Variants in VEGFD observed in about 807,000 individuals in gnomAD.
VEGFD encodes the protein c-fos induced growth factor (vascular endothelial growth factor D).
Under a neutral mutation model 28.0 loss-of-function variants are expected in VEGFD, and 26 were observed. The ratio of observed to expected loss-of-function variants is 0.93; its 90% CI spans 0.68 to 1.29. The LOEUF (loss-of-function observed/expected upper bound fraction) is 1.29, where lower values mean the gene tolerates loss of function less well. Among genes scored for constraint, VEGFD ranks in the 50% most tolerant of loss-of-function variants. VEGFD has a pLI of 0.00. For synonymous variants in VEGFD, 93 were observed against 95.5 expected, an observed-to-expected ratio of 0.97 and a Z score of 0.15; for missense variants, 294 against 273.4, an observed-to-expected ratio of 1.08 and a Z score of -0.53.
intron 2 of VEGFD, among the ~76,000 whole-genome samples, chrX:15,360,581 C>A (rs976569505): frequency 9.0e-5 from 10 of 111,259 alleles, no homozygotes; most frequent in Non-Finnish European, 1.9e-4. Context: ...TTGTGATCCG[C>A]CCACCTCAGC....
chrX:15,378,773 T>C (rs1321248785), intron 1 of VEGFD, among the ~76,000 whole-genome samples: 2 of 112,020 alleles, frequency 1.8e-5, no homozygotes, highest in Admixed American at 9.4e-5. Context: ...AACAATTTTT[T>C]ACATTTTCCA....
chrX:15,376,485 C>T (rs1463704770), intron 1 of VEGFD, among the ~76,000 whole-genome samples: 1 of 112,488 alleles, frequency 8.9e-6, no homozygotes, highest in Admixed American at 9.5e-5. Context: ...TAGCTAACTG[C>T]TACAGCCCTA....
intron 1 of VEGFD, among the ~76,000 whole-genome samples, chrX:15,367,765 G>A (rs1055612102): frequency 3.7e-5 from 4 of 108,798 alleles, no homozygotes; most frequent in Admixed American, 3.0e-4. Context: ...AGATCAGACT[G>A]GAAACATGGT....
intron 5 of VEGFD, among the ~76,000 whole-genome samples, chrX:15,350,586 C>G (rs907745021): frequency 8.9e-6 from 1 of 112,282 alleles, no homozygotes; most frequent in Non-Finnish European, 1.9e-5. Context: ...CTCTCTTTAC[C>G]CTTTAATGCC....
At chrX:15,349,259 G>A (rs187014102) in intron 5 of VEGFD, among the ~76,000 whole-genome samples, 1 of 112,633 alleles carries the variant, frequency 8.9e-6, no homozygotes, top group African/African-American at 3.2e-5. Flanking sequence ...CTTCAGACAG[G>A]CCCAAGGCCA....
At chrX:15,347,826 C>T (rs1950134773) in intron 5 of VEGFD, among the ~76,000 whole-genome samples, 1 of 111,755 alleles carries the variant, frequency 8.9e-6, no homozygotes, top group Non-Finnish European at 1.9e-5. Flanking sequence ...CATGTCCTCA[C>T]TGCAGATCAT....
chrX:15,345,910 C>G lies in VEGFD; in HGVS notation c.*223G>C, dbSNP rs1922532963. On this transcript the variant is annotated 3_prime_UTR_variant, in exon 7 of 7. Coordinates refer to ENST00000297904, the MANE Select transcript of VEGFD (RefSeq NM_004469.5). ...TAAACAAAAGGATTACATGGGTCCC[C>G]TCCTCTCCATTCCTTGGTGCGCAGA... is the stretch of plus-strand genomic sequence containing the variant. The G allele has an allele frequency of 2.5e-6, 1 of 396,774 alleles. No homozygotes were observed. Among genetic ancestry groups the G allele is most frequent in the African/African-American group, 2.5e-5 (1 of 39,786 alleles). The allele number at this position is 396,774 out of a possible 1,213,427, so 32.7% of individuals were successfully genotyped here. A position where few individuals can be genotyped will look rare whatever the true frequency, so the allele number is the denominator to read the frequency against.
intron 4 of VEGFD, among the ~76,000 whole-genome samples, chrX:15,353,956 C>T (rs1233448392): frequency 1.8e-5 from 2 of 110,085 alleles, no homozygotes; most frequent in African/African-American, 6.6e-5. Flanking sequence ...TTCTAACATA[C>T]CTCCTAAGAT....
rs574238018 is a variant in VEGFD at position 15,378,488 on chromosome X, A to G, written c.90+5369T>C. ...CAATCAGTCAACAAATACTGTTTTT[A>G]GTATCTACTCTATTACATACAGGCT... On this transcript the variant is annotated intron_variant, in intron 1 of 6. Coordinates refer to ENST00000297904, the MANE Select transcript of VEGFD (RefSeq NM_004469.5). Among the ~76,000 whole-genome samples the G allele has an allele frequency of 4.0e-4, 45 of 111,739 alleles. No homozygotes were observed. In the East Asian group the frequency reaches 9.2e-3, roughly 23 times the overall value.
intron 1 of VEGFD, among the ~76,000 whole-genome samples, chrX:15,382,922 T>G (rs1923618045): frequency 8.9e-6 from 1 of 111,992 alleles, no homozygotes; most frequent in Non-Finnish European, 1.9e-5. Context: ...ACATACCATA[T>G]GTACTGTATG....
chrX:15,377,277 G>A (rs776350054), intron 1 of VEGFD, among the ~76,000 whole-genome samples: 75 of 111,955 alleles, frequency 6.7e-4, no homozygotes, highest in Non-Finnish European at 1.3e-3. Flanking sequence ...GATGCCTCCT[G>A]AGAAATAAAC....
At chrX:15,369,927 G>A (rs965015383) in intron 1 of VEGFD, among the ~76,000 whole-genome samples, 1 of 112,172 alleles carries the variant, frequency 8.9e-6, no homozygotes, top group East Asian at 2.8e-4. Context: ...GTTGAACAAT[G>A]GAATATTATT....
chrX:15,381,951 T>A (rs757262629), intron 1 of VEGFD, among the ~76,000 whole-genome samples: 2 of 34,369 alleles, frequency 5.8e-5, no homozygotes, highest in Admixed American at 3.1e-4. Context: ...TTCTGTCACA[T>A]GCAAATTCAG....
intron 5 of VEGFD, among the ~76,000 whole-genome samples, chrX:15,351,217 G>T (rs1432972300): frequency 1.0e-5 from 1 of 97,903 alleles, no homozygotes; most frequent in Non-Finnish European, 2.1e-5. Context: ...CCGGGTTCAC[G>T]CCATTCTCCT....
chrX:15,358,031 T>C lies in VEGFD; in HGVS notation c.464A>G (p.Asn155Ser). ...TTTGGAAATGTACGAGGTGCTGGTG[T>C]TCATACAGATAAGGCTCTCTTCATT... is the stretch of plus-strand genomic sequence containing the variant. The part of the protein sequence containing the change: ...CCNEESLICM[N>S]TSTSYISKQL... The change falls in exon 3 of 7, where the codon AAC becomes AGC. Residue 155 changes from asparagine (N) to serine (S), a missense_variant. By Grantham distance (46) the Asn-to-Ser change is conservative. Transcript: ENST00000297904. 8.3e-7 allele frequency: 1 copy of C among 1,211,354 alleles called. No individual in the cohort carries two copies. The highest frequency in any genetic ancestry group is 1.1e-6 in the Non-Finnish European group (1 of 895,253).
At chrX:15,375,990 A>AATGG (rs1393174806) in intron 1 of VEGFD, among the ~76,000 whole-genome samples, 2 of 111,460 alleles carry the variant, frequency 1.8e-5, no homozygotes, top group East Asian at 5.6e-4. Flanking sequence ...GATGGGCTTG[A>AATGG]ATGGCAAGAC....
intron 4 of VEGFD, among the ~76,000 whole-genome samples, chrX:15,354,790 A>G (rs1922821984): frequency 1.8e-5 from 2 of 111,553 alleles, no homozygotes; most frequent in Non-Finnish European, 3.8e-5. Flanking sequence ...TCAGGATGTA[A>G]ATATACAAAC....
chrX:15,360,616 C>T (rs1411036608), intron 2 of VEGFD, among the ~76,000 whole-genome samples: 1 of 111,623 alleles, frequency 9.0e-6, no homozygotes, highest in Admixed American at 9.5e-5. Context: ...GGATTAAAGG[C>T]GTGAGCCACT....
intron 2 of VEGFD, among the ~76,000 whole-genome samples, chrX:15,360,707 G>C (rs1922993669): frequency 8.9e-6 from 1 of 111,981 alleles, no homozygotes; most frequent in Admixed American, 9.5e-5. Flanking sequence ...GAACACATGA[G>C]AGATAAATTA....
Sources: gnomAD v4.1 joint callset for allele counts (sites outside exome capture counted in the v4.1 genomes callset) on GRCh38, gnomAD v4.1.1 for gene constraint, MANE v1.5 for transcripts, NCBI Gene and HGNC (gene_info 2026-07-23, HGNC 2026-07-21) for gene names.